The following PRKDC variants were observed in gnomAD, a reference collection of about 807,000 sequenced individuals.
PRKDC encodes the protein DNA-dependent protein kinase catalytic subunit.
Under a neutral mutation model 486.9 loss-of-function variants are expected in PRKDC, and 82 were observed. That is an observed-to-expected ratio of 0.17 (90% CI 0.14 to 0.20). The LOEUF (loss-of-function observed/expected upper bound fraction) is 0.20, where lower values mean the gene tolerates loss of function less well. Among genes scored for constraint, PRKDC ranks in the 10% least tolerant of loss-of-function variants. The probability of loss-of-function intolerance (pLI) is 1.00; values close to 1 mark genes in which losing one functional copy is unlikely to be tolerated. For missense variants in PRKDC, 4,504 were observed against 5,038.2 expected, an observed-to-expected ratio of 0.89 and a Z score of 3.21; for synonymous variants, 1,895 against 1,837.0, an observed-to-expected ratio of 1.03 and a Z score of -0.81.
intron 26 of PRKDC, among the ~76,000 whole-genome samples, chr8:47,904,324 A>G (rs1399746445): frequency 3.3e-5 from 5 of 152,154 alleles, no homozygotes; most frequent in Non-Finnish European, 7.4e-5. Flanking sequence ...GCGCAATCTC[A>G]GCTCACTGCA....
intron 25 of PRKDC, among the ~76,000 whole-genome samples, chr8:47,910,424 C>T (rs1252272919): frequency 2.6e-5 from 4 of 152,186 alleles, no homozygotes; most frequent in Non-Finnish European, 5.9e-5. Flanking sequence ...TATTAAATGA[C>T]CCATTTCCCA....
chr8:47,939,230 A>G (rs1163330300), intron 11 of PRKDC, among the ~76,000 whole-genome samples: 1 of 152,224 alleles, frequency 6.6e-6, no homozygotes, highest in Non-Finnish European at 1.5e-5. Context: ...GACCCTCAGT[A>G]CATGCGGGAG....
intron 65 of PRKDC, 37 bp from the exon 66 acceptor site, chr8:47,820,980 G>A (rs2087580951): frequency 7.7e-7 from 1 of 1,296,078 alleles, no homozygotes; most frequent in African/African-American, 1.5e-5. Context: ...ACTACAGAAG[G>A]CCAATTTGAG....
intron 46 of PRKDC, 52 bp downstream of exon 46, chr8:47,859,559 C>T (rs984928952): frequency 5.1e-6 from 8 of 1,580,420 alleles, no homozygotes; most frequent in Non-Finnish European, 6.9e-6. Context: ...GCTGTGACCC[C>T]CTTTCTTCAC....
At chr8:47,927,406 G>A in intron 20 of PRKDC, 53 bp from the exon 21 acceptor site, 5 of 1,541,076 alleles carry the variant, frequency 3.2e-6, no homozygotes, top group South Asian at 1.2e-5. Context: ...ATAAGATTTA[G>A]AGGAAAAAAA....
Position 47,859,710 on chromosome 8 carries a change from C to A in PRKDC, c.6108G>T (p.Leu2036=). The part of the protein sequence containing the change: ...SSLSYLADST[L]SEEMSQFDFS... Reference sequence around the variant, plus strand: ...AATCAAATTGACTCATTTCCTCACTCAGGGTACTGTCTGCCAAATATGACA... The same window carrying A: ...AATCAAATTGACTCATTTCCTCACTAAGGGTACTGTCTGCCAAATATGACA... Residue 2036 remains leucine (L), a synonymous_variant, in exon 46 of 86, where the codon CTG becomes CTT. Coordinates refer to ENST00000314191, the MANE Select transcript of PRKDC (RefSeq NM_006904.7). 1 of 1,613,758 alleles carries A rather than the reference C, an allele frequency of 6.2e-7. No homozygotes were observed. Among genetic ancestry groups the A allele is most frequent in the South Asian group, 1.1e-5 (1 of 91,064 alleles).
Position 47,877,823 on chromosome 8 carries a change from C to G in PRKDC, c.5264G>C (p.Ser1755Thr). Residue 1755 changes from serine to threonine, a missense_variant, in exon 40 of 86, where the codon AGC (serine) becomes ACC (threonine). Coordinates refer to ENST00000314191, the MANE Select transcript of PRKDC (RefSeq NM_006904.7). ...KFLDALELSQ[S>T]PMLLELMTEV... ...TGTCATCAATTCCAACAACATAGGG[C>G]TTTGAGATAATTCCAATGCATCTAG... The G allele has an allele frequency of 6.4e-7, 1 of 1,564,544 alleles. No individual in the cohort carries two copies.
At chr8:47,789,275 T>TCA (rs1457556656) in intron 74 of PRKDC, 37 bp from the exon 75 acceptor site, 1 of 1,251,846 alleles carries the variant, frequency 8.0e-7, no homozygotes, top group African/African-American at 1.5e-5. Flanking sequence ...GGCAATCAAA[T>TCA]ATCTTCCAAA....
At chr8:47,796,051 T>C (rs946703373) in intron 73 of PRKDC, among the ~76,000 whole-genome samples, 1 of 151,704 alleles carries the variant, frequency 6.6e-6, no homozygotes, top group Non-Finnish European at 1.5e-5. Flanking sequence ...TGTGCCATCA[T>C]GCCCAGCTAA....
intron 38 of PRKDC, among the ~76,000 whole-genome samples, chr8:47,880,701 TA>T (rs1359849554): frequency 5.3e-5 from 8 of 152,178 alleles, no homozygotes; most frequent in Non-Finnish European, 8.8e-5. Flanking sequence ...CCAATTTAAA[TA>T]ATATGTATGC....
In PRKDC at chr8:47,831,888, G is replaced by A. The variant is rs1275553288; in HGVS notation, c.8191C>T (p.Arg2731Trp). 9 of 1,613,804 alleles carry A rather than the reference G, an allele frequency of 5.6e-6. No individual in the cohort carries two copies. The highest frequency in any genetic ancestry group is 3.3e-5 in the Admixed American group (2 of 59,990). ...GRTDLLRLRRRFMRDQEKLSL... is the reference protein window; with the variant it reads ...GRTDLLRLRRWFMRDQEKLSL... ...AGCTTCTCCTGGTCCCTCATAAACC[G>A]TCTGCGCAGTCGTAGTAGGTCCGTC... is the stretch of plus-strand genomic sequence containing the variant. The change falls in exon 60 of 86, where the codon CGG becomes TGG. Residue 2731 changes from arginine to tryptophan, a missense_variant. Arg to Trp is a moderately radical substitution (Grantham distance 101). This residue lies in a region of PRKDC where 1,592 missense variants were observed against 1,724.6 expected (regional missense o/e 0.92). Coordinates refer to ENST00000314191, the MANE Select transcript of PRKDC (RefSeq NM_006904.7).
intron 21 of PRKDC, among the ~76,000 whole-genome samples, chr8:47,923,052 C>A (rs1416769393): frequency 1.3e-5 from 2 of 151,762 alleles, no homozygotes; most frequent in African/African-American, 2.4e-5. Flanking sequence ...TTGCCTGTAC[C>A]ATGAGAAGTC....
chr8:47,848,228 G>C (rs1327886997), intron 54 of PRKDC, among the ~76,000 whole-genome samples: 2 of 152,172 alleles, frequency 1.3e-5, no homozygotes, highest in African/African-American at 4.8e-5. Flanking sequence ...CTAAGACATG[G>C]AATCAACCCA....
chr8:47,818,578 CAAA>C (rs1174698261), intron 67 of PRKDC, among the ~76,000 whole-genome samples: 2 of 36,118 alleles, frequency 5.5e-5, no homozygotes, highest in Non-Finnish European at 1.3e-4. Flanking sequence ...GACTCCGTCT[CAAA>C]AAAAAAAAAA....
intron 10 of PRKDC, among the ~76,000 whole-genome samples, chr8:47,942,577 G>A (rs575104837): frequency 2.0e-5 from 3 of 152,302 alleles, no homozygotes; most frequent in South Asian, 4.1e-4. Context: ...CCCATGTACA[G>A]CAGGGCCCCT....
intron 39 of PRKDC, 39 bp from the exon 40 acceptor site, chr8:47,877,890 G>A (rs777262329): frequency 7.2e-7 from 1 of 1,382,476 alleles, no homozygotes; most frequent in Non-Finnish European, 9.5e-7. Context: ...ATTTTGTTGG[G>A]TTTTACTTTT....
intron 42 of PRKDC, among the ~76,000 whole-genome samples, chr8:47,862,798 G>A (rs958780013): frequency 9.2e-5 from 14 of 152,200 alleles, no homozygotes; most frequent in Non-Finnish European, 1.8e-4. Flanking sequence ...TAAAGAGAGG[G>A]AAGGAAGCAA....
chr8:47,901,749 A>T (rs1369547901), intron 27 of PRKDC, among the ~76,000 whole-genome samples: 1 of 149,672 alleles, frequency 6.7e-6, no homozygotes, highest in East Asian at 2.0e-4. Flanking sequence ...CTGGCACATC[A>T]TTTTTTTTTT....
chr8:47,914,116 G>A, intron 23 of PRKDC, 52 bp from the exon 24 acceptor site: 1 of 1,342,498 alleles, frequency 7.4e-7, no homozygotes, highest in Non-Finnish European at 9.7e-7. Context: ...TTTTATTAGT[G>A]TCAGAATTAT....
Sources: gnomAD v4.1 joint callset for allele counts (sites outside exome capture counted in the v4.1 genomes callset) on GRCh38, gnomAD v4.1.1 for gene constraint, gnomAD v4.1.1 regional missense constraint, MANE v1.5 for transcripts, NCBI Gene and HGNC (gene_info 2026-07-23, HGNC 2026-07-21) for gene names.